Variants in SLC52A1 observed in about 807,000 individuals in gnomAD.
SLC52A1 encodes solute carrier family 52 member 1.
In SLC52A1, 20 loss-of-function variants were observed where a neutral mutation model predicts 23.2. The observed-to-expected ratio is 0.86, with a 90% confidence interval of 0.61 to 1.25. The LOEUF (loss-of-function observed/expected upper bound fraction) is 1.25. Among genes scored for constraint, SLC52A1 ranks in the 50% most tolerant of loss-of-function variants. The pLI is 0.00. For synonymous variants in SLC52A1, 260 were observed against 256.6 expected (o/e 1.01, Z -0.13); for missense variants, 528 against 557.0 (o/e 0.95, Z 0.52).
rs755719325 is a variant in SLC52A1 at position 5,034,193 on chromosome 17, CACAGAGGGGCCAGCAGGG to C, written c.278_295del (p.Ala93_Trp99delinsGly). 1.9e-6 allele frequency: 3 copies of C among 1,614,162 alleles called. No individual in the cohort carries two copies. In the Admixed American group the frequency reaches 5.0e-5, roughly 27 times the overall value. On this transcript the variant is annotated inframe_deletion, in exon 3 of 5. Coordinates refer to ENST00000254853, the MANE Select transcript of SLC52A1 (RefSeq NM_017986.4). ...CCCTGCCACTGGGGCCACGTGGTGCCACAGAGGGGCCAGCAGGGCTGTGCCCACTACACTCAGCACCTG... is the reference window on the plus strand; with the variant it reads ...CCCTGCCACTGGGGCCACGTGGTGCCCTGTGCCCACTACACTCAGCACCTG...
chr17:5,033,258 C>T lies in SLC52A1; in HGVS notation c.1134+3G>A, dbSNP rs1170330156. Reference sequence around the variant, plus strand: ...TCCCCACTTCATGTCTCCACTTGCTCACCACAAGGACCACCCCTGCAGTGG... The same window carrying T: ...TCCCCACTTCATGTCTCCACTTGCTTACCACAAGGACCACCCCTGCAGTGG... On this transcript the variant is annotated splice_donor_region_variant and intron_variant, in intron 4 of 4. Coordinates refer to ENST00000254853, the MANE Select transcript of SLC52A1 (RefSeq NM_017986.4). The T allele has an allele frequency of 6.2e-7, 1 of 1,613,700 alleles. No homozygotes were observed. Among genetic ancestry groups the T allele is most frequent in the African/African-American group, 1.3e-5 (1 of 75,022 alleles).
chr17:5,033,854 C>T lies in SLC52A1; in HGVS notation c.635G>A (p.Arg212Gln), dbSNP rs377338075. ...TGATGGCAACAGCAACAGGAGACCC[C>T]GGAAGGCGGCAGCTGAAGTGACCAG... is the stretch of plus-strand genomic sequence containing the variant. Reference protein sequence around the residue: ...ALLVTSAAAFRGLLLLLPSLP... With the variant: ...ALLVTSAAAFQGLLLLLPSLP... Residue 212 changes from arginine (R) to glutamine (Q), a missense_variant, in exon 3 of 5, where the codon CGG becomes CAG. Coordinates refer to ENST00000254853, the MANE Select transcript of SLC52A1 (RefSeq NM_017986.4). The T allele has an allele frequency of 7.3e-5, 118 of 1,614,100 alleles. No individual in the cohort carries two copies. The highest frequency in any genetic ancestry group is 1.1e-4 in the South Asian group (10 of 91,094).
chr17:5,034,533 G>A lies in SLC52A1; in HGVS notation c.74C>T (p.Ala25Val). The change falls in exon 2 of 5, where the codon GCT (alanine) becomes GTT (valine). Residue 25 changes from alanine (A) to valine (V), a missense_variant. Transcript: ENST00000254853. ...CTCCACCCAGATCCCGTTCACAGCA[G>A]CCCAGGAGCCCATGCCAAAAAGGGC... ...LVALFGMGSWAAVNGIWVELP... is the reference protein window; with the variant it reads ...LVALFGMGSWVAVNGIWVELP... 6.2e-7 allele frequency: 1 copy of A among 1,614,206 alleles called. No individual in the cohort carries two copies. Among genetic ancestry groups the A allele is most frequent in the Non-Finnish European group, 8.5e-7 (1 of 1,180,026 alleles).
chr17:5,034,826 G>GC, intron 1 of SLC52A1, 35 bp downstream of exon 1: 1 of 513,174 alleles, frequency 1.9e-6, no homozygotes, highest in Non-Finnish European at 3.4e-6. Context: ...GAGGTGGCCG[G>GC]GGGCGGGCGG....
rs746822476 is a variant in SLC52A1, at chr17:5,033,847, G to A, written c.642C>T (p.Leu214=). ...LVTSAAAFRG[L]LLLLPSLPSV... ...AGGGTAGTGATGGCAACAGCAACAG[G>A]AGACCCCGGAAGGCGGCAGCTGAAG... The change falls in exon 3 of 5, where the codon CTC becomes CTT. Residue 214 remains leucine (L), a synonymous_variant. Transcript: ENST00000254853. 1.9e-6 allele frequency: 3 copies of A among 1,614,146 alleles called. No individual in the cohort carries two copies. Among genetic ancestry groups the A allele is most frequent in the Non-Finnish European group, 2.5e-6 (3 of 1,180,056 alleles).
rs201198708 is a variant in SLC52A1, at chr17:5,033,984, G to A, written c.505C>T (p.Arg169Cys). 8.8e-5 allele frequency: 142 copies of A among 1,613,992 alleles called. No individual in the cohort carries two copies. The highest frequency in any genetic ancestry group is 1.2e-4 in the African/African-American group (9 of 75,040). ...GTGGGCGCTGGTGGGCACTCGAGGC[G>A]GCCCACACCTTGCACTAGGGCCAGC... Reference protein sequence around the residue: ...CVLALVQGVGRLECPPAPTNG... With the variant: ...CVLALVQGVGCLECPPAPTNG... The change falls in exon 3 of 5, where the codon CGC becomes TGC. Residue 169 changes from arginine to cysteine, a missense_variant. Arg to Cys is a radical substitution (Grantham distance 180). Coordinates refer to ENST00000254853, the MANE Select transcript of SLC52A1 (RefSeq NM_017986.4).
Position 5,032,949 on chromosome 17 carries a change from GC to G in SLC52A1, c.*7del. The G allele has an allele frequency of 6.2e-7, 1 of 1,608,416 alleles. No homozygotes were observed. The highest frequency in any genetic ancestry group is 8.5e-7 in the Non-Finnish European group (1 of 1,175,718). On this transcript the variant is annotated 3_prime_UTR_variant, in exon 5 of 5. Transcript: ENST00000254853. ...GTGGGGTGGAGTTGGGTCCCCACCT[GC>G]CCAGGCTCAGGGGCCACAGGGGTCT...
In SLC52A1 at chr17:5,041,277, CTTAT is replaced by C. The variant is rs748282923; in HGVS notation, c.-107-6568_-107-6565del. On this transcript the variant is annotated intron_variant, in intron 1 of 3. Coordinates refer to the SLC52A1 transcript ENST00000512825. ...GGCTAATTTTTTACTTTTATTTTTA[CTTAT>C]TTATTTATTTATTTATTTTGAGATG... 2.8e-4 allele frequency among the ~76,000 whole-genome samples: 43 copies of C among 151,828 alleles called. No individual in the cohort carries two copies. The East Asian group carries it at 3.5e-3, about 12-fold the overall frequency.
rs765787170 is a variant in SLC52A1, at chr17:5,034,658, T to C, written c.-52A>G. The C allele has an allele frequency of 6.2e-7, 1 of 1,603,540 alleles. No homozygotes were observed. The highest frequency in any genetic ancestry group is 1.1e-5 in the South Asian group (1 of 90,740). ...CAGGGCAAAGGTCACAGGCAGGTCCTTCCCTAGGTAGGTCCAAAGATGCTT... is the reference window on the plus strand; with the variant it reads ...CAGGGCAAAGGTCACAGGCAGGTCCCTCCCTAGGTAGGTCCAAAGATGCTT... On this transcript the variant is annotated 5_prime_UTR_variant, in exon 2 of 5. Transcript: ENST00000254853.
chr17:5,037,584 A>G (rs1275464905), upstream of SLC52A1, among the ~76,000 whole-genome samples: 3 of 152,146 alleles, frequency 2.0e-5, no homozygotes, highest in Non-Finnish European at 4.4e-5. Flanking sequence ...AGCCAAGCCC[A>G]TTCATTTACC....
intron 1 of SLC52A1, 69 bp from the exon 2 acceptor site, chr17:5,034,782 G>A (rs1409100796): frequency 7.1e-6 from 6 of 847,096 alleles, no homozygotes; most frequent in East Asian, 2.9e-5. Context: ...AAGACAAGTC[G>A]GTCAGACTGC....
At chr17:5,042,075 C>G (rs1173601027) in intron 1 of SLC52A1, among the ~76,000 whole-genome samples, 3 of 152,112 alleles carry the variant, frequency 2.0e-5, no homozygotes, top group Admixed American at 1.3e-4. Flanking sequence ...ATTTCTTTAC[C>G]CAGAAAGTAC....
At position 5,033,165 on chromosome 17, in the gene SLC52A1, A is replaced by C; in HGVS notation, c.1139T>G (p.Leu380Arg). Residue 380 changes from leucine (L) to arginine (R), a missense_variant, in exon 5 of 5, where the codon CTG becomes CGG. Coordinates refer to ENST00000254853, the MANE Select transcript of SLC52A1 (RefSeq NM_017986.4). ...GTTAGVVLVV[L>R]SWVLCLCVFS... The stretch of plus-strand genomic sequence containing the variant: ...CACACACAGACACAGCACCCACGAC[A>C]GCACCTGCAAGGGAGGACACAGCAG... The C allele has an allele frequency of 6.2e-7, 1 of 1,613,850 alleles. No individual in the cohort carries two copies. Among genetic ancestry groups the C allele is most frequent in the Non-Finnish European group, 8.5e-7 (1 of 1,179,908 alleles).
At position 5,034,827 on chromosome 17, in the gene SLC52A1, G is replaced by C. The variant is rs3826508; in HGVS notation, c.-108+34C>G. On this transcript the variant is annotated intron_variant, in intron 1 of 4. Transcript: ENST00000254853. ...GGCAACTGGAGGGAGAGGTGGCCGG[G>C]GGCGGGCGGGGAAGGTGGGGAGCCA... The C allele has an allele frequency of 0.065, 32,415 of 495,546 alleles. 2,023 individuals are homozygous for C. Among genetic ancestry groups the C allele is most frequent in the Middle Eastern group, 0.11 (180 of 1,626 alleles). 30.7% of individuals were successfully genotyped at this position (495,546 alleles called of 1,614,324 possible).
chr17:5,040,233 G>T (rs758067642), upstream of SLC52A1, among the ~76,000 whole-genome samples: 4 of 152,034 alleles, frequency 2.6e-5, no homozygotes, highest in Non-Finnish European at 4.4e-5. Flanking sequence ...GAGTGCAGTG[G>T]TGTCATCACA....
chr17:5,034,988 A>G lies in SLC52A1; in HGVS notation c.-235T>C, dbSNP rs927186294. The G allele has an allele frequency of 6.0e-5, 14 of 233,470 alleles. No homozygotes were observed. The South Asian group carries it at 8.7e-4, about 15-fold the overall frequency. The allele number at this position is 233,470 out of a possible 1,614,324, so 14.5% of individuals were successfully genotyped here. ...AGGGAGCTGATTTTCCTACCCACAG[A>G]GGACCCGGGGTCCAAGTTGTCAAAA... On this transcript the variant is annotated 5_prime_UTR_variant, in exon 1 of 5. Coordinates refer to ENST00000254853, the MANE Select transcript of SLC52A1 (RefSeq NM_017986.4).
chr17:5,041,449 AT>A, intron 1 of SLC52A1, among the ~76,000 whole-genome samples: 1 of 149,684 alleles, frequency 6.7e-6, no homozygotes, highest in Admixed American at 6.7e-5. Context: ...TGCCCAGCGA[AT>A]TTTTTTTTGT....
Position 5,032,974 on chromosome 17 carries a change from C to T in SLC52A1, c.1330G>A (p.Asp444Asn), listed in dbSNP as rs2143424032. 1 of 1,613,738 alleles carries T rather than the reference C, an allele frequency of 6.2e-7. No individual in the cohort carries two copies. Among genetic ancestry groups the T allele is most frequent in the Middle Eastern group, 1.6e-4 (1 of 6,062 alleles). The change falls in exon 5 of 5, where the codon GAC (aspartate) becomes AAC (asparagine). Residue 444 changes from aspartate to asparagine, a missense_variant. Asp to Asn is a conservative substitution (Grantham distance 23). Transcript: ENST00000254853. ...HVFQSRKDCVDPCGP is the reference protein window; with the variant it reads ...HVFQSRKDCVNPCGP ...GCCCAGGCTCAGGGGCCACAGGGGT[C>T]TACACAGTCCTTTCTGCTTTGAAAC...
upstream of SLC52A1, among the ~76,000 whole-genome samples, chr17:5,038,496 T>A (rs1458538070): frequency 6.6e-6 from 1 of 152,050 alleles, no homozygotes; most frequent in Non-Finnish European, 1.5e-5. Flanking sequence ...CAGACAGAAA[T>A]GGGGTCACAT....
Sources: gnomAD v4.1 joint callset for allele counts (sites outside exome capture counted in the v4.1 genomes callset) on GRCh38, gnomAD v4.1.1 for gene constraint, MANE v1.5 for transcripts, NCBI Gene and HGNC (gene_info 2026-07-23, HGNC 2026-07-21) for gene names.